Variants in CA5A observed in about 807,000 individuals in gnomAD.
CA5A encodes the protein carbonic anhydrase 5A.
A neutral mutation model predicts 37.1 loss-of-function variants in CA5A; 28 were observed. The observed-to-expected ratio is 0.75, with a 90% CI of 0.56 to 1.03. The LOEUF (loss-of-function observed/expected upper bound fraction) is 1.03. CA5A is among the 50% of genes least tolerant of loss of function. CA5A has a pLI of 0.00. For missense variants in CA5A, 444 were observed against 399.9 expected (o/e 1.11, Z -0.94); for synonymous variants, 171 against 158.4 (o/e 1.08, Z -0.60).
At chr16:87,903,072 C>T (rs1257740587) in intron 3 of CA5A, among the ~76,000 whole-genome samples, 2 of 152,026 alleles carry the variant, frequency 1.3e-5, no homozygotes, top group African/African-American at 4.8e-5. Context: ...TAACCTCATC[C>T]AATAGAAATG....
intron 2 of CA5A, among the ~76,000 whole-genome samples, chr16:87,917,766 A>G (rs1397181848): frequency 1.0e-5 from 1 of 98,208 alleles, no homozygotes; most frequent in African/African-American, 8.5e-5. Context: ...TACACAGTGC[A>G]CATGTGCACA....
At chr16:87,900,767 C>T (rs576540455) in intron 5 of CA5A, among the ~76,000 whole-genome samples, 2 of 152,312 alleles carry the variant, frequency 1.3e-5, no homozygotes, top group African/African-American at 2.4e-5. Context: ...CGGACAGGGA[C>T]GTTCAAGGAG....
intron 3 of CA5A, among the ~76,000 whole-genome samples, chr16:87,902,972 C>A (rs1465960941): frequency 2.6e-5 from 4 of 151,630 alleles, no homozygotes; most frequent in African/African-American, 9.7e-5. Context: ...CCAGCACCAG[C>A]AGCACCTCTG....
chr16:87,917,021 T>C (rs1412789024), intron 2 of CA5A, among the ~76,000 whole-genome samples: 1 of 148,710 alleles, frequency 6.7e-6, no homozygotes, highest in Non-Finnish European at 1.5e-5. Context: ...AGGAGAATGG[T>C]GTGAACCCGG....
At chr16:87,899,295 C>CTTTTTT (rs774174056) in intron 5 of CA5A, among the ~76,000 whole-genome samples, 18 of 85,852 alleles carry the variant, frequency 2.1e-4, no homozygotes, top group African/African-American at 7.5e-4. Flanking sequence ...CTCCTAAGGT[C>CTTTTTT]TTTTTTTTTT....
At chr16:87,924,676 G>A (rs959650995) in intron 2 of CA5A, among the ~76,000 whole-genome samples, 106 of 152,374 alleles carry the variant, frequency 7.0e-4, no homozygotes, top group African/African-American at 1.9e-3. Flanking sequence ...AGACCTCCCC[G>A]TGACAGCAGG....
chr16:87,932,361 G>A (rs924771310), intron 1 of CA5A, among the ~76,000 whole-genome samples: 2 of 152,160 alleles, frequency 1.3e-5, no homozygotes, highest in African/African-American at 4.8e-5. Flanking sequence ...ACAGGTTGTG[G>A]GAAGAGCGGG....
At chr16:87,908,854 C>T (rs1332092788) in intron 2 of CA5A, among the ~76,000 whole-genome samples, 6 of 152,194 alleles carry the variant, frequency 3.9e-5, no homozygotes, top group South Asian at 2.1e-4. Flanking sequence ...TTCACTCTGT[C>T]GCCCAGGCTG....
At chr16:87,885,907 G>C (rs575812160), downstream of CA5A, 1 of 152,320 alleles carries the variant, frequency 6.6e-6, no homozygotes, top group South Asian at 2.1e-4. Flanking sequence ...ATCAGAATGT[G>C]AGCTCCGAGG....
At chr16:87,893,131 TTTCTTTCTTTCTTTC>T in intron 5 of CA5A, 1 of 519,268 alleles carries the variant, frequency 1.9e-6, no homozygotes, top group South Asian at 3.2e-5. Context: ...TCTTCCTTTC[TTTCTTTCTTTCTTTC>T]TTTTTTTTTT....
chr16:87,927,006 G>A, intron 1 of CA5A, 61 bp from the exon 2 acceptor site: 1 of 1,193,656 alleles, frequency 8.4e-7, no homozygotes, highest in Non-Finnish European at 1.2e-6. Context: ...GTCTTGGACG[G>A]ACAGGGCAGA....
intron 2 of CA5A, among the ~76,000 whole-genome samples, chr16:87,917,013 G>A (rs1223196543): frequency 1.3e-5 from 2 of 151,602 alleles, no homozygotes; most frequent in African/African-American, 4.8e-5. Context: ...GCTGAGGCAG[G>A]AGAATGGTGT....
At position 87,891,949 on chromosome 16, in the gene CA5A, C is replaced by T. The variant is rs370926490; in HGVS notation, c.624G>A (p.Ala208=). ...DILPEIKHKD[A]RAAMRPFDPS... ...GGTCGAAGGGGCGCATGGCCGCCCG[C>T]GCGTCCTGAGAGACCGAGAAGCACA... Residue 208 remains alanine (A), a synonymous_variant, in exon 6 of 7, where the codon GCG becomes GCA. Transcript: ENST00000649794. 6.2e-5 allele frequency: 95 copies of T among 1,537,136 alleles called. 1 individual carries two copies. The East Asian group carries it at 1.6e-3, about 26-fold the overall frequency.
rs535790327 is a variant in CA5A, at chr16:87,929,700, G to A, written c.143-2755C>T. On this transcript the variant is annotated intron_variant, in intron 1 of 6. Coordinates refer to ENST00000649794, the MANE Select transcript of CA5A (RefSeq NM_001739.2). ...ATCCTGGCTAACACCGTGAAACCCG[G>A]TCTCTACTAAAAATACAAAAAATTA... Among the ~76,000 whole-genome samples, 27 of 150,860 alleles carry A rather than the reference G, an allele frequency of 1.8e-4. No homozygotes were observed. In the East Asian group the frequency reaches 3.6e-3, roughly 20 times the overall value.
chr16:87,889,376 A>G (rs936290674), intron 6 of CA5A, among the ~76,000 whole-genome samples: 3 of 152,188 alleles, frequency 2.0e-5, no homozygotes, highest in Non-Finnish European at 4.4e-5. Flanking sequence ...TTCTAAAGCC[A>G]CTATGTTTTG....
chr16:87,925,968 A>T (rs2056301873), intron 2 of CA5A, among the ~76,000 whole-genome samples: 1 of 152,120 alleles, frequency 6.6e-6, no homozygotes, highest in Non-Finnish European at 1.5e-5. Context: ...CACGCCTGTA[A>T]CCCCAGCACT....
At chr16:87,913,265 C>T (rs1340156680) in intron 2 of CA5A, among the ~76,000 whole-genome samples, 1 of 151,618 alleles carries the variant, frequency 6.6e-6, no homozygotes, top group Non-Finnish European at 1.5e-5. Flanking sequence ...AGGCGTGAGC[C>T]ACCACACCTG....
In CA5A at chr16:87,904,234, C is replaced by T. The variant is rs568415354; in HGVS notation, c.459+552G>A. 2.1e-4 allele frequency among the ~76,000 whole-genome samples: 32 copies of T among 151,868 alleles called. 2 individuals are homozygous for T. In the South Asian group the frequency reaches 5.8e-3, roughly 28 times the overall value. On this transcript the variant is annotated intron_variant, in intron 3 of 6. Transcript: ENST00000649794. ...GCACGCACCTGTAATCCCAGCTACT[C>T]GGGAGGCTGAGGCAGGAGAATCGCT...
Position 87,936,312 on chromosome 16 carries a change from T to G in CA5A, c.139A>C (p.Thr47Pro). 6.2e-7 allele frequency: 1 copy of G among 1,611,392 alleles called. No homozygotes were observed. The highest frequency in any genetic ancestry group is 8.5e-7 in the Non-Finnish European group (1 of 1,177,892). The change falls in exon 1 of 7, where the codon ACT becomes CCT. Residue 47 changes from threonine (T) to proline (P), a missense_variant. Physicochemically the swap from Thr to Pro is conservative, Grantham distance 38. Coordinates refer to ENST00000649794, the MANE Select transcript of CA5A (RefSeq NM_001739.2). ...GGAAATTTGAGGCTCTACTTACAAG[T>G]GTTATTGCTGGTTTGCCATGCACAG... ...RSCAWQTSNN[T>P]LHPLWTVPVS...
Sources: gnomAD v4.1 joint callset for allele counts (sites outside exome capture counted in the v4.1 genomes callset) on GRCh38, gnomAD v4.1.1 for gene constraint, MANE v1.5 for transcripts, NCBI Gene and HGNC (gene_info 2026-07-23, HGNC 2026-07-21) for gene names.